The following DAB1 variants were observed in gnomAD, a reference collection of about 807,000 sequenced individuals.
The protein encoded by DAB1 is DAB adaptor protein 1, also known as disabled homolog 1.
Under a neutral mutation model 64.6 loss-of-function variants are expected in DAB1, and 15 were observed. The observed-to-expected ratio is 0.23, with a 90% CI of 0.16 to 0.36. The LOEUF (loss-of-function observed/expected upper bound fraction) is 0.36, where lower values mean the gene tolerates loss of function less well. Ranked by LOEUF, DAB1 falls within the 10% of genes least tolerant of loss-of-function variation. The pLI is 1.00. For missense variants in DAB1, 596 were observed against 706.7 expected (o/e 0.84, Z 1.78); for synonymous variants, 235 against 251.9 (o/e 0.93, Z 0.64).
intron 7 of DAB1, among the ~76,000 whole-genome samples, chr1:57,445,555 T>C (rs1468952347): frequency 6.6e-6 from 1 of 152,204 alleles, no homozygotes; most frequent in Non-Finnish European, 1.5e-5. Flanking sequence ...AGGTATGCAC[T>C]GATAATGTAA....
At chr1:57,800,986 AAAG>A (rs1393321440) in intron 6 of DAB1, among the ~76,000 whole-genome samples, 9 of 152,264 alleles carry the variant, frequency 5.9e-5, no homozygotes, top group Admixed American at 5.9e-4. Context: ...CTAAAATTCT[AAAG>A]AAGAATAAAT....
At chr1:58,540,175 T>C (rs1417880788) in intron 1 of DAB1, among the ~76,000 whole-genome samples, 1 of 151,796 alleles carries the variant, frequency 6.6e-6, no homozygotes, top group African/African-American at 2.4e-5. Context: ...GCCTCAACAT[T>C]AGAGAAAGAT....
At chr1:57,551,102 T>C (rs1644909112) in intron 7 of DAB1, among the ~76,000 whole-genome samples, 1 of 152,178 alleles carries the variant, frequency 6.6e-6, no homozygotes, top group Admixed American at 6.5e-5. Flanking sequence ...CATATCACAC[T>C]CTTTCCATCT....
At chr1:58,086,806 C>T (rs952401131) in intron 5 of DAB1, among the ~76,000 whole-genome samples, 4 of 151,860 alleles carry the variant, frequency 2.6e-5, no homozygotes, top group South Asian at 4.2e-4. Flanking sequence ...GGTCAGCAAA[C>T]CCCTATTCAC....
chr1:57,169,588 G>A (rs2100918122), intron 2 of DAB1, among the ~76,000 whole-genome samples: 1 of 152,246 alleles, frequency 6.6e-6, no homozygotes, highest in Non-Finnish European at 1.5e-5. Flanking sequence ...ACCCTTCTGT[G>A]TACTTCCTCA....
chr1:58,028,078 T>G (rs1473342596), intron 5 of DAB1, among the ~76,000 whole-genome samples: 1 of 152,196 alleles, frequency 6.6e-6, no homozygotes, highest in Non-Finnish European at 1.5e-5. Context: ...ATTCCCATCA[T>G]AGAACATCAA....
chr1:57,365,504 C>T lies in DAB1; in HGVS notation c.-137+58426G>A, dbSNP rs919165722. 2.7e-5 allele frequency among the ~76,000 whole-genome samples: 4 copies of T among 150,312 alleles called. No individual in the cohort carries two copies. The Admixed American group carries it at 2.7e-4, about 10-fold the overall frequency. On this transcript the variant is annotated intron_variant, in intron 1 of 14. Transcript: ENST00000371236. ...GGGAAAATTAAAGAGTCTAAAGGGC[C>T]CTAATATTTTAAAAGGAAGGACTGC...
chr1:57,160,273 C>T (rs533158987), intron 2 of DAB1, among the ~76,000 whole-genome samples: 3 of 152,292 alleles, frequency 2.0e-5, no homozygotes, highest in East Asian at 1.9e-4. Context: ...AGTTCTTTTT[C>T]ATTGTCCTTT....
intron 12 of DAB1, among the ~76,000 whole-genome samples, chr1:57,012,269 A>T (rs1347500739): frequency 6.6e-6 from 1 of 152,206 alleles, no homozygotes; most frequent in East Asian, 1.9e-4. Flanking sequence ...TAGAAAGATG[A>T]TGCTATTTCC....
At chr1:57,298,286 G>C (rs1279201400) in intron 1 of DAB1, among the ~76,000 whole-genome samples, 1 of 152,194 alleles carries the variant, frequency 6.6e-6, no homozygotes, top group African/African-American at 2.4e-5. Flanking sequence ...CTATAAAGCT[G>C]CTGTAGGTGT....
At chr1:57,308,407 A>G (rs776293778) in intron 1 of DAB1, among the ~76,000 whole-genome samples, 6 of 152,224 alleles carry the variant, frequency 3.9e-5, no homozygotes, top group Non-Finnish European at 8.8e-5. Flanking sequence ...GAAAATCACA[A>G]GGCTGAAAAA....
At chr1:58,103,649 AT>A (rs1331086146) in intron 5 of DAB1, among the ~76,000 whole-genome samples, 2 of 151,916 alleles carry the variant, frequency 1.3e-5, no homozygotes, top group African/African-American at 2.4e-5. Context: ...GCTGACTTTA[AT>A]TTTGATTTTT....
intron 6 of DAB1, among the ~76,000 whole-genome samples, chr1:57,786,151 C>G (rs1650327279): frequency 2.6e-5 from 4 of 152,156 alleles, no homozygotes; most frequent in Admixed American, 2.6e-4. Flanking sequence ...TTAAGGTATT[C>G]ACACTGTCTT....
intron 1 of DAB1, among the ~76,000 whole-genome samples, chr1:57,315,256 CTATT>C (rs1230419041): frequency 6.6e-6 from 1 of 152,194 alleles, no homozygotes; most frequent in African/African-American, 2.4e-5. Context: ...TCATTTCAAA[CTATT>C]TATTATATAT....
chr1:58,522,225 C>T (rs1000353116), intron 2 of DAB1, among the ~76,000 whole-genome samples: 6 of 151,992 alleles, frequency 3.9e-5, no homozygotes, highest in South Asian at 2.1e-4. Context: ...GGGCTTAATA[C>T]CTAGGTGATG....
At chr1:57,221,659 C>T (rs1666882580) in intron 2 of DAB1, among the ~76,000 whole-genome samples, 1 of 152,150 alleles carries the variant, frequency 6.6e-6, no homozygotes, top group Admixed American at 6.5e-5. Flanking sequence ...AGAATAACAT[C>T]ATGAGGATAC....
intron 3 of DAB1, among the ~76,000 whole-genome samples, chr1:58,386,049 G>A (rs185877861): frequency 6.8e-4 from 104 of 152,254 alleles, no homozygotes; most frequent in African/African-American, 2.5e-3. Context: ...CTATCTAAGA[G>A]CGTTTTCGTA....
chr1:57,331,043 T>C (rs141565834), intron 1 of DAB1, among the ~76,000 whole-genome samples: 57 of 152,270 alleles, frequency 3.7e-4, no homozygotes, highest in African/African-American at 1.3e-3. Flanking sequence ...ATCCTCCTTT[T>C]TCTATACCAC....
At chr1:57,316,444 G>T (rs988858546) in intron 1 of DAB1, among the ~76,000 whole-genome samples, 3 of 152,032 alleles carry the variant, frequency 2.0e-5, no homozygotes. Flanking sequence ...CTCTTGGACA[G>T]CAATTACCGG....
Sources: gnomAD v4.1 joint callset for allele counts (sites outside exome capture counted in the v4.1 genomes callset) on GRCh38, gnomAD v4.1.1 for gene constraint, MANE v1.5 for transcripts, NCBI Gene and HGNC (gene_info 2026-07-23, HGNC 2026-07-21) for gene names.